The following HNRNPLL variants were observed in gnomAD, a reference collection of about 807,000 sequenced individuals.
HNRNPLL encodes the protein heterogeneous nuclear ribonucleoprotein L-like.
In HNRNPLL, 25 loss-of-function variants were observed where a neutral mutation model predicts 67.1. The observed-to-expected ratio is 0.37, with a 90% CI of 0.27 to 0.52. The LOEUF is 0.52. Among genes scored for constraint, HNRNPLL ranks in the 20% least tolerant of loss-of-function variants. The pLI is 0.90. For synonymous variants in HNRNPLL, 267 were observed against 241.7 expected, an observed-to-expected ratio of 1.10 and a Z score of -0.97; for missense variants, 542 against 673.9, an observed-to-expected ratio of 0.80 and a Z score of 2.17.
At chr2:38,579,044 T>C (rs1016224463) in intron 6 of HNRNPLL, among the ~76,000 whole-genome samples, 4 of 152,068 alleles carry the variant, frequency 2.6e-5, no homozygotes, top group Non-Finnish European at 4.4e-5. Flanking sequence ...GCATACGCCA[T>C]CAAACACTAA....
At chr2:38,583,799 G>T in intron 4 of HNRNPLL, 42 bp downstream of exon 4, 2 of 911,406 alleles carry the variant, frequency 2.2e-6, no homozygotes, top group Non-Finnish European at 3.4e-6. Flanking sequence ...AATAAGATCC[G>T]TATGAATTAC....
chr2:38,598,014 CT>C (rs530992607), intron 1 of HNRNPLL, among the ~76,000 whole-genome samples: 313 of 145,006 alleles, frequency 2.2e-3, no homozygotes, highest in African/African-American at 3.3e-3. Context: ...AAAAAACAAA[CT>C]TTTTTTTTTT....
Position 38,601,229 on chromosome 2 carries a change from T to C in HNRNPLL, c.189+1209A>G, listed in dbSNP as rs149452686. Reference sequence around the variant, plus strand: ...AAGACTGAGAGAAAAAGTTCCTTTTTTAAATGTGTTGCAAAGTTTGCTCTC... The same window carrying C: ...AAGACTGAGAGAAAAAGTTCCTTTTCTAAATGTGTTGCAAAGTTTGCTCTC... On this transcript the variant is annotated intron_variant, in intron 1 of 12. Transcript: ENST00000449105. Among the ~76,000 whole-genome samples the C allele has an allele frequency of 6.5e-3, 991 of 152,334 alleles. 10 individuals are homozygous for C. The highest frequency in any genetic ancestry group is 0.021 in the African/African-American group (875 of 41,572).
intron 1 of HNRNPLL, 70 bp from the exon 2 acceptor site, chr2:38,591,718 G>A (rs981178203): frequency 7.1e-5 from 66 of 926,018 alleles, no homozygotes; most frequent in Non-Finnish European, 1.0e-4. Context: ...GCTCACGCCT[G>A]TAATCCCTGC....
intron 12 of HNRNPLL, among the ~76,000 whole-genome samples, chr2:38,566,841 A>G (rs1470898489): frequency 1.3e-5 from 2 of 151,364 alleles, no homozygotes; most frequent in African/African-American, 4.8e-5. Context: ...AAAAATTAAA[A>G]ATAAAAAAAA....
chr2:38,580,951 C>A (rs1008450583), intron 6 of HNRNPLL: 13 of 152,150 alleles, frequency 8.5e-5, no homozygotes, highest in Non-Finnish European at 1.5e-5. Flanking sequence ...TTACAAAAAT[C>A]AAACCACACA....
intron 1 of HNRNPLL, among the ~76,000 whole-genome samples, chr2:38,600,652 G>A (rs1306187791): frequency 1.3e-5 from 2 of 151,824 alleles, no homozygotes; most frequent in Non-Finnish European, 2.9e-5. Context: ...AGGATCGCTT[G>A]AGACAGGGAG....
chr2:38,582,052 G>A lies in HNRNPLL; in HGVS notation c.729+20C>T. The A allele has an allele frequency of 1.2e-6, 2 of 1,601,176 alleles. No individual in the cohort carries two copies. Among genetic ancestry groups the A allele is most frequent in the Non-Finnish European group, 1.7e-6 (2 of 1,168,296 alleles). On this transcript the variant is annotated intron_variant, in intron 5 of 12. Coordinates refer to ENST00000449105, the MANE Select transcript of HNRNPLL (RefSeq NM_138394.4). ...AAAGCATAAATATTTCTTGGGTAGG[G>A]TGTTGAAAAAAATATTTACCCGTGC...
chr2:38,569,021 G>GT, intron 10 of HNRNPLL, 112 bp downstream of exon 10: 1 of 768,364 alleles, frequency 1.3e-6, no homozygotes, highest in Non-Finnish European at 2.2e-6. Context: ...AAATAAAATA[G>GT]TAATAACATC....
intron 2 of HNRNPLL, among the ~76,000 whole-genome samples, chr2:38,587,901 CAG>C (rs942229092): frequency 6.6e-6 from 1 of 152,236 alleles, no homozygotes; most frequent in Admixed American, 6.5e-5. Context: ...TGTCTCCTGA[CAG>C]AGTTCTCACA....
intron 7 of HNRNPLL, among the ~76,000 whole-genome samples, chr2:38,575,348 T>C (rs1666259672): frequency 6.6e-6 from 1 of 151,844 alleles, no homozygotes. Context: ...GGAAAAATGC[T>C]ACATAAATGG....
intron 1 of HNRNPLL, among the ~76,000 whole-genome samples, chr2:38,596,116 C>T (rs901759822): frequency 6.6e-6 from 1 of 151,606 alleles, no homozygotes; most frequent in East Asian, 1.9e-4. Context: ...ACCAATGTAT[C>T]AAAGGTATCT....
rs545513308 is a variant in HNRNPLL, at chr2:38,582,240, T to C, written c.633-72A>G. 18 of 966,954 alleles carry C rather than the reference T, an allele frequency of 1.9e-5. No homozygotes were observed. In the Admixed American group the frequency reaches 2.2e-4, roughly 12 times the overall value. 59.9% of individuals were successfully genotyped at this position (966,954 alleles called of 1,614,324 possible). ...CATTATTCACTCCCAAAGGACAGGA[T>C]TGAAAATAATCAGAAGTAGCTCTTT... On this transcript the variant is annotated intron_variant, in intron 4 of 12. Coordinates refer to ENST00000449105, the MANE Select transcript of HNRNPLL (RefSeq NM_138394.4).
chr2:38,591,459 G>A, intron 2 of HNRNPLL, 71 bp downstream of exon 2: 1 of 840,246 alleles, frequency 1.2e-6, no homozygotes, highest in Admixed American at 1.7e-5. Flanking sequence ...TAAACATCAA[G>A]GCTTGTAACA....
At chr2:38,568,615 G>T (rs1665959861) in intron 10 of HNRNPLL, among the ~76,000 whole-genome samples, 172 bp from the exon 11 acceptor site, 1 of 152,082 alleles carries the variant, frequency 6.6e-6, no homozygotes, top group Admixed American at 6.6e-5. Flanking sequence ...ATTAAAAACA[G>T]TAAAATTCTA....
At chr2:38,566,287 G>C (rs1444781080) in intron 12 of HNRNPLL, 1 of 152,096 alleles carries the variant, frequency 6.6e-6, no homozygotes, top group Admixed American at 6.7e-5. Flanking sequence ...AGAATCGCTT[G>C]AACCTGGGAG....
At position 38,578,516 on chromosome 2, in the gene HNRNPLL, C is replaced by G. The variant is rs139581485; in HGVS notation, c.803-984G>C. Among the ~76,000 whole-genome samples the G allele has an allele frequency of 2.4e-3, 363 of 152,084 alleles. 1 individual carries two copies. Among genetic ancestry groups the G allele is most frequent in the Admixed American group, 8.4e-3 (129 of 15,272 alleles). ...AGCCTTTACCTATATCCTTAGTCAC[C>G]TAAACAAATGAGGTTTATGGGAGAT... On this transcript the variant is annotated intron_variant, in intron 6 of 12. Coordinates refer to ENST00000449105, the MANE Select transcript of HNRNPLL (RefSeq NM_138394.4).
intron 1 of HNRNPLL, among the ~76,000 whole-genome samples, chr2:38,600,844 G>C (rs184003019): frequency 6.6e-6 from 1 of 151,948 alleles, no homozygotes; most frequent in African/African-American, 2.4e-5. Context: ...TTTCGCTTTG[G>C]ATACATTAAT....
intron 6 of HNRNPLL, among the ~76,000 whole-genome samples, chr2:38,580,009 A>G (rs1385033958): frequency 2.6e-5 from 4 of 152,218 alleles, no homozygotes; most frequent in Non-Finnish European, 5.9e-5. Flanking sequence ...TTATCTGACT[A>G]GAATTATATG....
Sources: allele counts gnomAD v4.1 joint callset (sites outside exome capture counted in the v4.1 genomes callset), GRCh38; gene constraint gnomAD v4.1.1; transcripts MANE v1.5; gene names NCBI Gene and HGNC (gene_info 2026-07-23, HGNC 2026-07-21).